Variants in REPS1 observed in about 807,000 individuals in gnomAD.
REPS1 encodes the protein RALBP1 associated Eps domain containing 1.
A neutral mutation model predicts 100.9 loss-of-function variants in REPS1; 39 were observed. The ratio of observed to expected loss-of-function variants is 0.39; its 90% CI spans 0.30 to 0.50. REPS1 has a LOEUF of 0.50. Ranked by LOEUF, REPS1 falls within the 20% of genes least tolerant of loss-of-function variation. REPS1 has a pLI of 0.86. For synonymous variants in REPS1, 324 were observed against 340.3 expected, an observed-to-expected ratio of 0.95 and a Z score of 0.53; for missense variants, 821 against 968.5, an observed-to-expected ratio of 0.85 and a Z score of 2.02.
intron 17 of REPS1, 150 bp downstream of exon 17, chr6:138,911,126 T>C (rs1040361076): frequency 1.2e-5 from 7 of 581,336 alleles, no homozygotes; most frequent in South Asian, 2.3e-5. Flanking sequence ...CTCCATTAAA[T>C]AGGCAGACTT....
intron 15 of REPS1, among the ~76,000 whole-genome samples, chr6:138,914,411 C>T (rs1780217566): frequency 6.6e-6 from 1 of 152,160 alleles, no homozygotes; most frequent in South Asian, 2.1e-4. Context: ...AGACCCAGGA[C>T]ATTAATGGAT....
intron 1 of REPS1, among the ~76,000 whole-genome samples, chr6:138,956,979 A>G (rs1305421673): frequency 1.3e-5 from 2 of 152,112 alleles, no homozygotes; most frequent in Non-Finnish European, 2.9e-5. Context: ...AAACACTAGA[A>G]GATAAAATAG....
intron 19 of REPS1, among the ~76,000 whole-genome samples, chr6:138,906,537 AAT>A (rs1232824467): frequency 6.6e-6 from 1 of 152,204 alleles, no homozygotes; most frequent in Non-Finnish European, 1.5e-5. Flanking sequence ...ATTTACCCTC[AAT>A]GAGTTCACTG....
chr6:138,980,691 G>C (rs1409292802), intron 1 of REPS1, among the ~76,000 whole-genome samples: 5 of 137,572 alleles, frequency 3.6e-5, no homozygotes, highest in South Asian at 2.7e-4. Context: ...GGGGCGGGGG[G>C]GGGGGGGAAC....
At chr6:138,946,243 A>G (rs192642834) in intron 2 of REPS1, among the ~76,000 whole-genome samples, 14 of 146,438 alleles carry the variant, frequency 9.6e-5, no homozygotes, top group African/African-American at 3.0e-4. Flanking sequence ...ATTCTTAAAA[A>G]TACCTTATTG....
At chr6:138,920,413 G>A (rs1275684164) in intron 11 of REPS1, 97 bp from the exon 12 acceptor site, 3 of 524,778 alleles carry the variant, frequency 5.7e-6, no homozygotes, top group Non-Finnish European at 6.8e-6. Context: ...AATATCCAAA[G>A]AAGTGGCAGG....
chr6:138,945,105 A>G, intron 4 of REPS1, 114 bp downstream of exon 4: 1 of 854,270 alleles, frequency 1.2e-6, no homozygotes, highest in Non-Finnish European at 1.7e-6. Flanking sequence ...CTGTGGCACA[A>G]GCCTATAATC....
At chr6:138,940,961 C>G (rs1001078743) in intron 8 of REPS1, among the ~76,000 whole-genome samples, 2 of 151,906 alleles carry the variant, frequency 1.3e-5, no homozygotes, top group Non-Finnish European at 2.9e-5. Flanking sequence ...AATTTCCCTT[C>G]AACAAATTAA....
At chr6:138,906,154 C>A (rs1211205228) in intron 19 of REPS1, among the ~76,000 whole-genome samples, 1 of 152,176 alleles carries the variant, frequency 6.6e-6, no homozygotes, top group Non-Finnish European at 1.5e-5. Flanking sequence ...TCTTTAAGTT[C>A]ATTCTTCCTG....
intron 9 of REPS1, chr6:138,927,801 C>G (rs182638724): frequency 2.0e-5 from 3 of 152,294 alleles, no homozygotes; most frequent in Non-Finnish European, 2.9e-5. Context: ...TTACTTTTAT[C>G]ATGCGGCATC....
chr6:138,962,266 G>C (rs1783783669), intron 1 of REPS1, among the ~76,000 whole-genome samples: 1 of 152,022 alleles, frequency 6.6e-6, no homozygotes, highest in Non-Finnish European at 1.5e-5. Context: ...TTTCATGAAA[G>C]ATAATCTTAC....
chr6:138,923,125 G>A lies in REPS1; in HGVS notation c.1339-2001C>T, dbSNP rs551446285. On this transcript the variant is annotated intron_variant, in intron 10 of 19. Coordinates refer to ENST00000450536, the MANE Select transcript of REPS1 (RefSeq NM_001286611.2). ...ATATTAACATTATAGATGGATGAAA[G>A]TTTAGATTTGTCTTATAATAATAAG... 5.3e-5 allele frequency among the ~76,000 whole-genome samples: 8 copies of A among 152,244 alleles called. No homozygotes were observed. The South Asian group carries it at 1.7e-3, about 32-fold the overall frequency.
intron 8 of REPS1, among the ~76,000 whole-genome samples, chr6:138,940,830 CA>C (rs1782200825): frequency 6.6e-6 from 1 of 150,988 alleles, no homozygotes; most frequent in Non-Finnish European, 1.5e-5. Context: ...TTCTTGTTAA[CA>C]ACACAGCATT....
chr6:138,905,352 C>T (rs62440952), intron 19 of REPS1, among the ~76,000 whole-genome samples: 17,375 of 152,194 alleles, frequency 0.11, 1,161 homozygotes, highest in Non-Finnish European at 0.16. Context: ...ACTGCAATGG[C>T]GCAATCTCGG....
At chr6:138,973,302 A>T (rs1416261420) in intron 1 of REPS1, among the ~76,000 whole-genome samples, 1 of 152,210 alleles carries the variant, frequency 6.6e-6, no homozygotes, top group Non-Finnish European at 1.5e-5. Flanking sequence ...AAGATGATAC[A>T]ACATTCTAGA....
At chr6:138,943,470 T>G (rs1446325813) in intron 7 of REPS1, 43 bp downstream of exon 7, 1 of 1,273,114 alleles carries the variant, frequency 7.9e-7, no homozygotes, top group African/African-American at 1.5e-5. Flanking sequence ...AGAAACTCCT[T>G]GGAAGCAACC....
In REPS1 at chr6:138,912,294, A is replaced by G. The variant is rs1582706362; in HGVS notation, c.1971+471T>C. On this transcript the variant is annotated intron_variant, in intron 16 of 19. Transcript: ENST00000450536. The stretch of plus-strand genomic sequence containing the variant: ...CTATAGTCTTTGCTTAACTAAGGCA[A>G]CTTACTCTCATACAAATTTTAAATG... Among the ~76,000 whole-genome samples the G allele has an allele frequency of 5.3e-5, 8 of 152,300 alleles. 2 individuals carry two copies. The highest frequency in any genetic ancestry group is 5.2e-4 in the Admixed American group (8 of 15,300).
rs757129705 is a variant in REPS1, at chr6:138,943,859, T to A, written c.910A>T (p.Ile304Phe). ...KTIQPDLNGF[I>F]PGSAAKEFFT... Reference sequence around the variant, plus strand: ...TCTGTTTTCAACAACTCACCTGGAATAAATCCGTTTAGATCAGGCTGAATG... The same window carrying A: ...TCTGTTTTCAACAACTCACCTGGAAAAAATCCGTTTAGATCAGGCTGAATG... The change falls in exon 6 of 20, where the codon ATT becomes TTT. Residue 304 changes from isoleucine to phenylalanine, a missense_variant. This residue lies in a region of REPS1 where 757 missense variants were observed against 866.4 expected (regional missense o/e 0.87). Coordinates refer to ENST00000450536, the MANE Select transcript of REPS1 (RefSeq NM_001286611.2). 6.2e-6 allele frequency: 10 copies of A among 1,612,356 alleles called. No homozygotes were observed. Among genetic ancestry groups the A allele is most frequent in the Non-Finnish European group, 8.5e-6 (10 of 1,179,384 alleles).
In REPS1 at chr6:138,930,186, A is replaced by C. The variant is rs371814783; in HGVS notation, c.1136-88T>G. 6.2e-4 allele frequency: 659 copies of C among 1,065,162 alleles called. 7 individuals are homozygous for C. The South Asian group carries it at 9.7e-3, about 16-fold the overall frequency. The allele number at this position is 1,065,162 out of a possible 1,614,324, so 66.0% of individuals were successfully genotyped here. A position where few individuals can be genotyped will look rare whatever the true frequency, so the allele number is the denominator to read the frequency against. The stretch of plus-strand genomic sequence containing the variant: ...TTACTTATTAAAAAAAAGCCAACCG[A>C]TGATTTTCATAAGTAGTAATATATA... On this transcript the variant is annotated intron_variant, in intron 8 of 19. Transcript: ENST00000450536.
Sources: allele counts gnomAD v4.1 joint callset (sites outside exome capture counted in the v4.1 genomes callset), GRCh38; gene constraint gnomAD v4.1.1; regional missense constraint gnomAD v4.1.1; transcripts MANE v1.5; gene names NCBI Gene and HGNC (gene_info 2026-07-23, HGNC 2026-07-21).